The following DUSP11 variants were observed in gnomAD, a reference collection of about 807,000 sequenced individuals.
The protein encoded by DUSP11 is dual specificity phosphatase 11, also known as RNA/RNP complex-1-interacting phosphatase.
DUSP11 carries 27 observed loss-of-function variants against 41.4 expected under a neutral mutation model. The ratio of observed to expected loss-of-function variants is 0.65; its 90% CI spans 0.48 to 0.90. The LOEUF is 0.90. Ranked by LOEUF, DUSP11 falls within the 40% of genes least tolerant of loss-of-function variation. The probability of loss-of-function intolerance (pLI) is 0.00; values close to 1 mark genes in which losing one functional copy is unlikely to be tolerated. For synonymous variants in DUSP11, 188 were observed against 159.3 expected (o/e 1.18, Z -1.35); for missense variants, 465 against 461.1 (o/e 1.01, Z -0.08).
chr2:73,774,322 A>G (rs922227863), intron 3 of DUSP11, among the ~76,000 whole-genome samples: 14 of 152,294 alleles, frequency 9.2e-5, no homozygotes, highest in African/African-American at 3.1e-4. Flanking sequence ...TGTGAGATAG[A>G]GGGAATTCCA....
At position 73,762,779 on chromosome 2, in the gene DUSP11, CTG is replaced by C. The variant is rs1403491571; in HGVS notation, c.1014_1015del (p.His338GlnfsTer18). On this transcript the variant is annotated frameshift_variant, in exon 9 of 9. Coordinates refer to ENST00000272444, the Ensembl canonical transcript of DUSP11. LOFTEE classifies it low-confidence loss of function (END_TRUNC). ...GGGCTTCACATTCCAAGAATACCTC[CTG>C]TGTGAATAGTCCTCTCCAGGGGGAC... 1 of 1,613,596 alleles carries C rather than the reference CTG, an allele frequency of 6.2e-7. No individual in the cohort carries two copies. Among genetic ancestry groups the C allele is most frequent in the Non-Finnish European group, 8.5e-7 (1 of 1,179,616 alleles).
intron 5 of DUSP11, 44 bp downstream of exon 5, chr2:73,769,221 C>T (rs748093296): frequency 1.3e-6 from 2 of 1,548,888 alleles, no homozygotes; most frequent in East Asian, 4.5e-5. Context: ...TGTAAACAGA[C>T]AAAAACAATT....
intron 4 of DUSP11, among the ~76,000 whole-genome samples, chr2:73,772,396 C>T (rs1018275420): frequency 6.6e-6 from 1 of 152,116 alleles, no homozygotes; most frequent in African/African-American, 2.4e-5. Context: ...AAACAAGGTC[C>T]CAAGCCTGCT....
At chr2:73,772,404 G>A (rs767336490) in intron 4 of DUSP11, among the ~76,000 whole-genome samples, 3 of 152,216 alleles carry the variant, frequency 2.0e-5, no homozygotes, top group Non-Finnish European at 2.9e-5. Flanking sequence ...TCCCAAGCCT[G>A]CTATGGCAGT....
intron 8 of DUSP11, among the ~76,000 whole-genome samples, chr2:73,765,782 A>G (rs1358240111): frequency 1.3e-5 from 2 of 152,210 alleles, no homozygotes; most frequent in Non-Finnish European, 2.9e-5. Flanking sequence ...CTCCTTAAAT[A>G]ACAATCTTCC....
chr2:73,771,791 C>G lies in DUSP11; in HGVS notation c.574+2009G>C, dbSNP rs140538102. Among the ~76,000 whole-genome samples, 1,256 of 146,538 alleles carry G rather than the reference C, an allele frequency of 8.6e-3. 23 individuals are homozygous for G. The highest frequency in any genetic ancestry group is 0.03 in the African/African-American group (1,188 of 39,628). Reference sequence around the variant, plus strand: ...TGCCGGGATTACAGGCATGAGCCATCGCGCCCGGCTTTTTTGTTCTATAAT... The same window carrying G: ...TGCCGGGATTACAGGCATGAGCCATGGCGCCCGGCTTTTTTGTTCTATAAT... On this transcript the variant is annotated intron_variant, in intron 4 of 8. Transcript: ENST00000272444.
chr2:73,775,787 G>A (rs1672669699), intron 2 of DUSP11, among the ~76,000 whole-genome samples: 1 of 144,086 alleles, frequency 6.9e-6, no homozygotes. Flanking sequence ...CCGGGAGGCA[G>A]AGCTTGCAGT....
chr2:73,773,334 T>C (rs1018204655), intron 4 of DUSP11: 5 of 194,952 alleles, frequency 2.6e-5, no homozygotes, highest in African/African-American at 1.2e-4. Flanking sequence ...TACATATGTA[T>C]ACATGTGTCT....
intron 1 of DUSP11, chr2:73,779,477 T>G (rs1336586845): frequency 4.6e-6 from 1 of 216,192 alleles, no homozygotes; most frequent in South Asian, 8.0e-5. Flanking sequence ...AAACCAACTT[T>G]CCATGTGAGA....
intron 2 of DUSP11, among the ~76,000 whole-genome samples, chr2:73,778,056 A>C (rs1672717978): frequency 6.6e-6 from 1 of 151,792 alleles, no homozygotes; most frequent in Admixed American, 6.6e-5. Flanking sequence ...TATTGAAATA[A>C]ATATTATTTT....
At chr2:73,779,351 G>A (rs1292902429) in intron 1 of DUSP11, 2 of 165,948 alleles carry the variant, frequency 1.2e-5, no homozygotes, top group African/African-American at 4.8e-5. Flanking sequence ...ACAGTTCAAT[G>A]CACCTACGTG....
intron 4 of DUSP11, among the ~76,000 whole-genome samples, chr2:73,771,513 A>G (rs1309289035): frequency 2.0e-5 from 3 of 149,400 alleles, no homozygotes; most frequent in African/African-American, 7.4e-5. Context: ...TTTTTTTTTG[A>G]GATGGAGTCT....
chr2:73,762,646 C>T, exon 9 of DUSP11: 2 of 1,596,634 alleles, frequency 1.3e-6, no homozygotes, highest in Non-Finnish European at 1.7e-6. Context: ...GGTAGAATTC[C>T]AGGACAGGTT....
intron 4 of DUSP11, among the ~76,000 whole-genome samples, chr2:73,770,076 G>C (rs1008606836): frequency 6.6e-6 from 1 of 151,722 alleles, no homozygotes; most frequent in African/African-American, 2.4e-5. Flanking sequence ...GGTGGCTCAC[G>C]CCTGTAATCC....
chr2:73,767,194 C>T (rs1168137521), exon 6 of DUSP11: 1 of 1,612,134 alleles, frequency 6.2e-7, no homozygotes, highest in Admixed American at 1.7e-5. Context: ...ACGCCTTCTA[C>T]ATCAATCAAA....
chr2:73,766,283 T>A, intron 8 of DUSP11, 135 bp downstream of exon 8: 2 of 813,990 alleles, frequency 2.5e-6, no homozygotes, highest in Non-Finnish European at 3.7e-6. Context: ...TACTCCAGCC[T>A]GGATGACAGA....
chr2:73,775,132 A>G, intron 2 of DUSP11, 88 bp from the exon 3 acceptor site: 4 of 1,125,854 alleles, frequency 3.6e-6, no homozygotes. Context: ...ATGCTAACAT[A>G]CAACGAGATT....
intron 2 of DUSP11, among the ~76,000 whole-genome samples, chr2:73,777,403 C>T (rs1355750800): frequency 6.6e-6 from 1 of 152,236 alleles, no homozygotes; most frequent in Non-Finnish European, 1.5e-5. Context: ...TCTCCTGATA[C>T]TAATCTGAGC....
Position 73,780,123 on chromosome 2 carries a change from C to T in DUSP11, c.-8G>A, listed in dbSNP as rs1672767007. ...CGTCTCGCTATTGCGCATGTGCCAC[C>T]GCCGGTCGTGATGGCGTAGCCACGC... On this transcript the variant is annotated 5_prime_UTR_variant, in exon 1 of 9. Transcript: ENST00000272444. 1.9e-6 allele frequency: 3 copies of T among 1,554,180 alleles called. No homozygotes were observed. The South Asian group carries it at 3.5e-5, about 18-fold the overall frequency.
Sources: gnomAD v4.1 joint callset for allele counts (sites outside exome capture counted in the v4.1 genomes callset) on GRCh38, gnomAD v4.1.1 for gene constraint, MANE v1.5 for transcripts, NCBI Gene and HGNC (gene_info 2026-07-23, HGNC 2026-07-21) for gene names.